Variants in RSPO2 observed in about 807,000 individuals in gnomAD.
RSPO2 encodes R-spondin 2, also known as R-spondin-2.
RSPO2 carries 14 observed loss-of-function variants against 30.9 expected under a neutral mutation model. That is an observed-to-expected ratio of 0.45 (90% CI 0.30 to 0.71). The LOEUF is 0.71. RSPO2 is among the 30% of genes least tolerant of loss of function. The probability of loss-of-function intolerance (pLI) is 0.08; values close to 1 mark genes in which losing one functional copy is unlikely to be tolerated. For synonymous variants in RSPO2, 107 were observed against 96.4 expected (o/e 1.11, Z -0.64); for missense variants, 264 against 301.9 (o/e 0.87, Z 0.93).
At chr8:108,006,219 T>C (rs942096683) in intron 2 of RSPO2, among the ~76,000 whole-genome samples, 1 of 152,206 alleles carries the variant, frequency 6.6e-6, no homozygotes, top group African/African-American at 2.4e-5. Context: ...AGAAGAGTGA[T>C]ATTCTAGAGA....
intron 2 of RSPO2, among the ~76,000 whole-genome samples, chr8:108,062,206 A>C (rs1356370502): frequency 1.3e-5 from 2 of 151,870 alleles, no homozygotes; most frequent in African/African-American, 4.9e-5. Context: ...TGAAGGAGAT[A>C]GAGACATAAA....
At chr8:108,072,316 G>GA (rs1812871168) in intron 2 of RSPO2, among the ~76,000 whole-genome samples, 1 of 132,586 alleles carries the variant, frequency 7.5e-6, no homozygotes, top group Non-Finnish European at 1.6e-5. Context: ...AGATGGCAGA[G>GA]AACTTTTTTT....
At chr8:107,908,998 C>G (rs1031155941) in intron 5 of RSPO2, among the ~76,000 whole-genome samples, 3 of 152,254 alleles carry the variant, frequency 2.0e-5, no homozygotes, top group East Asian at 1.9e-4. Context: ...AGGGTGAAAG[C>G]TGTTTGGTGG....
At chr8:108,057,055 C>CAAAAAAAAAAAAAAAAAAAAAAAAAA (rs56727719) in intron 2 of RSPO2, among the ~76,000 whole-genome samples, 4 of 36,082 alleles carry the variant, frequency 1.1e-4, no homozygotes, top group Non-Finnish European at 1.0e-4. Flanking sequence ...GACTCTGTCT[C>CAAAAAAAAAAAAAAAAAAAAAAAAAA]AAAAAAAAAA....
intron 3 of RSPO2, among the ~76,000 whole-genome samples, chr8:107,962,667 C>G (rs1223830761): frequency 6.6e-6 from 1 of 152,040 alleles, no homozygotes; most frequent in Admixed American, 6.6e-5. Flanking sequence ...ATTATGTCCA[C>G]AAATTGTTAG....
At chr8:108,037,855 A>G (rs1292914137) in intron 2 of RSPO2, among the ~76,000 whole-genome samples, 1 of 152,208 alleles carries the variant, frequency 6.6e-6, no homozygotes, top group East Asian at 1.9e-4. Context: ...GAAGGTTTTA[A>G]GCCCGCTGTT....
chr8:107,993,605 C>T (rs139523062), intron 2 of RSPO2, among the ~76,000 whole-genome samples: 36 of 152,076 alleles, frequency 2.4e-4, no homozygotes, highest in African/African-American at 8.4e-4. Context: ...ATAGAATTTG[C>T]GGGGGATGGA....
intron 2 of RSPO2, among the ~76,000 whole-genome samples, chr8:108,061,776 T>G (rs952637076): frequency 2.6e-5 from 4 of 151,286 alleles, no homozygotes; most frequent in Admixed American, 6.6e-5. Context: ...ATTGACCACA[T>G]AGTTGCAGGT....
At chr8:107,937,897 T>A (rs2130365945) in intron 5 of RSPO2, among the ~76,000 whole-genome samples, 1 of 152,248 alleles carries the variant, frequency 6.6e-6, no homozygotes, top group Non-Finnish European at 1.5e-5. Context: ...GCAGACCAGT[T>A]ATGAAAATAC....
Position 107,958,146 on chromosome 8 carries a change from T to C in RSPO2, c.550A>G (p.Thr184Ala), listed in dbSNP as rs766158953. 54 of 1,613,780 alleles carry C rather than the reference T, an allele frequency of 3.3e-5. No individual in the cohort carries two copies. The highest frequency in any genetic ancestry group is 4.4e-5 in the Non-Finnish European group (52 of 1,179,822). ...RQIVKKPVKD[T>A]ILCPTIAESR... ...TCAGCAATGGTTGGACACAGTATTG[T>C]GTCTTTCACTGGCTTTTTAACAATT... Residue 184 changes from threonine (T) to alanine (A), a missense_variant, in exon 5 of 6, where the codon ACA becomes GCA. By Grantham distance (58) the Thr-to-Ala change is moderately conservative (BLOSUM62 0). Transcript: ENST00000276659.
At chr8:108,003,311 ATTTTT>A (rs869040336) in intron 2 of RSPO2, among the ~76,000 whole-genome samples, 1,247 of 28,620 alleles carry the variant, frequency 0.044, 11 homozygotes, top group Admixed American at 0.055. Flanking sequence ...ATATATATAT[ATTTTT>A]TTTTTTTTTT....
Position 107,900,251 on chromosome 8 carries a change from T to C in RSPO2, c.*824A>G, listed in dbSNP as rs540827898. 1 of 152,114 alleles carries C rather than the reference T, an allele frequency of 6.6e-6. No homozygotes were observed. Among genetic ancestry groups the C allele is most frequent in the Non-Finnish European group, 1.5e-5 (1 of 68,032 alleles). 9.4% of individuals were successfully genotyped at this position (152,114 alleles called of 1,614,324 possible). ...TGGAGTGGAGAAGGTCTACCCAATATGCAAACTCTTTGACACTGGTCATTT... is the reference window on the plus strand; with the variant it reads ...TGGAGTGGAGAAGGTCTACCCAATACGCAAACTCTTTGACACTGGTCATTT... On this transcript the variant is annotated 3_prime_UTR_variant, in exon 6 of 6. Transcript: ENST00000276659.
intron 2 of RSPO2, among the ~76,000 whole-genome samples, chr8:108,074,171 C>A (rs1202679926): frequency 6.6e-6 from 1 of 152,116 alleles, no homozygotes; most frequent in Non-Finnish European, 1.5e-5. Flanking sequence ...TGGGTAACTT[C>A]TATTTTATAA....
At chr8:108,003,066 T>C (rs1334404109) in intron 2 of RSPO2, among the ~76,000 whole-genome samples, 1 of 150,460 alleles carries the variant, frequency 6.6e-6, no homozygotes, top group African/African-American at 2.4e-5. Flanking sequence ...TTTTTTTTTT[T>C]TTGAGACAGA....
intron 5 of RSPO2, among the ~76,000 whole-genome samples, chr8:107,934,512 A>C (rs1374548547): frequency 6.6e-6 from 1 of 152,030 alleles, no homozygotes; most frequent in Non-Finnish European, 1.5e-5. Flanking sequence ...AGCTGGGATT[A>C]CAGGCATGTG....
chr8:107,932,134 T>C (rs1205415420), intron 5 of RSPO2, among the ~76,000 whole-genome samples: 1 of 152,182 alleles, frequency 6.6e-6, no homozygotes, highest in Non-Finnish European at 1.5e-5. Flanking sequence ...GCATAATAAA[T>C]ACCTATTCTC....
intron 5 of RSPO2, among the ~76,000 whole-genome samples, chr8:107,924,380 A>G (rs1812286640): frequency 6.6e-6 from 1 of 152,076 alleles, no homozygotes; most frequent in Non-Finnish European, 1.5e-5. Context: ...CAATATTAAC[A>G]TATTCTTTGA....
intron 2 of RSPO2, among the ~76,000 whole-genome samples, chr8:108,008,796 A>AAAAAT (rs1554581522): frequency 6.8e-6 from 1 of 147,930 alleles, no homozygotes; most frequent in African/African-American, 2.6e-5. Context: ...GCAAAAAAAA[A>AAAAAT]AAAATAAAGA....
At chr8:108,038,243 T>G (rs1247978563) in intron 2 of RSPO2, among the ~76,000 whole-genome samples, 1 of 152,150 alleles carries the variant, frequency 6.6e-6, no homozygotes, top group Non-Finnish European at 1.5e-5. Flanking sequence ...AGTGAGTAAT[T>G]GCAGACATGG....
Sources: allele counts gnomAD v4.1 joint callset (sites outside exome capture counted in the v4.1 genomes callset), GRCh38; gene constraint gnomAD v4.1.1; transcripts MANE v1.5; gene names NCBI Gene and HGNC (gene_info 2026-07-23, HGNC 2026-07-21).